JMJD1C: variants seen among roughly 807,000 people sequenced by gnomAD.
JMJD1C encodes jumonji domain containing 1C.
A neutral mutation model predicts 245.3 loss-of-function variants in JMJD1C; 31 were observed. The ratio of observed to expected loss-of-function variants is 0.13; its 90% CI spans 0.09 to 0.17. JMJD1C has a LOEUF of 0.17. Ranked by LOEUF, JMJD1C falls within the 10% of genes least tolerant of loss-of-function variation. The pLI, the probability that JMJD1C is intolerant of heterozygous loss-of-function variation, is 1.00. For missense variants in JMJD1C, 2,691 were observed against 3,000.2 expected (o/e 0.90, Z 2.41); for synonymous variants, 1,057 against 1,017.4 (o/e 1.04, Z -0.74).
chr10:63,422,949 T>C (rs538227767), intron 1 of JMJD1C, among the ~76,000 whole-genome samples: 218 of 149,810 alleles, frequency 1.5e-3, no homozygotes, highest in African/African-American at 5.2e-3. Flanking sequence ...TCGCCACTGT[T>C]ACCAAAACTT....
intron 2 of JMJD1C, among the ~76,000 whole-genome samples, chr10:63,302,717 T>C (rs906530348): frequency 2.6e-5 from 4 of 152,210 alleles, no homozygotes; most frequent in Non-Finnish European, 5.9e-5. Flanking sequence ...CAGACAGTAA[T>C]TAGTGAAAGC....
At chr10:63,453,451 G>A (rs1282975320) in intron 1 of JMJD1C, among the ~76,000 whole-genome samples, 1 of 152,028 alleles carries the variant, frequency 6.6e-6, no homozygotes, top group East Asian at 1.9e-4. Context: ...TGCGGTACAA[G>A]AAACAGAAAG....
At chr10:63,248,968 G>A (rs911170376) in intron 3 of JMJD1C, among the ~76,000 whole-genome samples, 21 of 152,156 alleles carry the variant, frequency 1.4e-4, no homozygotes, top group Non-Finnish European at 2.4e-4. Flanking sequence ...TGAAATAAGC[G>A]AAGGACAGGA....
intron 1 of JMJD1C, among the ~76,000 whole-genome samples, chr10:63,460,586 G>A (rs981618107): frequency 2.0e-5 from 3 of 152,114 alleles, no homozygotes; most frequent in Non-Finnish European, 2.9e-5. Context: ...AGTAACTTAT[G>A]ACATTCCTTT....
chr10:63,406,639 T>G (rs887295631), intron 1 of JMJD1C, among the ~76,000 whole-genome samples: 1 of 152,058 alleles, frequency 6.6e-6, no homozygotes, highest in African/African-American at 2.4e-5. Context: ...GATTTTTTTT[T>G]AAGCAAAATA....
At chr10:63,337,004 C>T (rs1564803241) in intron 2 of JMJD1C, among the ~76,000 whole-genome samples, 1 of 152,006 alleles carries the variant, frequency 6.6e-6, no homozygotes, top group South Asian at 2.1e-4. Flanking sequence ...CCACAATCAG[C>T]TAATTTTTGT....
At chr10:63,459,369 T>C (rs1952631168) in intron 1 of JMJD1C, among the ~76,000 whole-genome samples, 1 of 152,224 alleles carries the variant, frequency 6.6e-6, no homozygotes, top group Admixed American at 6.5e-5. Flanking sequence ...CTAGGGTTTA[T>C]GATATATGTG....
intron 2 of JMJD1C, among the ~76,000 whole-genome samples, chr10:63,290,555 T>C (rs1858539139): frequency 6.6e-6 from 1 of 152,080 alleles, no homozygotes; most frequent in Admixed American, 6.6e-5. Context: ...AGCAAGACTC[T>C]GTCTCAAAAA....
chr10:63,213,331 C>G (rs1212750185), intron 8 of JMJD1C, 142 bp downstream of exon 8: 2 of 531,588 alleles, frequency 3.8e-6, no homozygotes, highest in Non-Finnish European at 6.6e-6. Context: ...CTTGAGGTTA[C>G]TAAGTGTATG....
intron 2 of JMJD1C, among the ~76,000 whole-genome samples, chr10:63,321,917 A>G (rs1940920103): frequency 6.6e-6 from 1 of 152,162 alleles, no homozygotes; most frequent in South Asian, 2.1e-4. Flanking sequence ...AACCTAGGGG[A>G]TTTCTCACCA....
intron 2 of JMJD1C, among the ~76,000 whole-genome samples, chr10:63,287,294 G>C (rs546369045): frequency 2.0e-5 from 3 of 152,384 alleles, no homozygotes; most frequent in African/African-American, 7.2e-5. Context: ...GTGATGCAAA[G>C]ATGAAGCTAA....
chr10:63,441,603 C>T (rs1951391799), intron 1 of JMJD1C, among the ~76,000 whole-genome samples: 1 of 152,126 alleles, frequency 6.6e-6, no homozygotes. Context: ...ATTTTGAGTT[C>T]CTCAACTTTA....
At chr10:63,497,752 C>T (rs1954407963) in intron 1 of JMJD1C, among the ~76,000 whole-genome samples, 1 of 152,128 alleles carries the variant, frequency 6.6e-6, no homozygotes, top group African/African-American at 2.4e-5. Context: ...TAAAGTTGTT[C>T]AAGCTTTCTT....
intron 2 of JMJD1C, among the ~76,000 whole-genome samples, chr10:63,304,407 A>AT (rs571957273): frequency 1.1e-3 from 159 of 143,468 alleles, no homozygotes; most frequent in Non-Finnish European, 2.2e-3. Context: ...ACAGCCAGGA[A>AT]TTTAAAAAAA....
At chr10:63,350,616 C>CT (rs71025164) in intron 2 of JMJD1C, among the ~76,000 whole-genome samples, 80 of 119,376 alleles carry the variant, frequency 6.7e-4, no homozygotes, top group South Asian at 1.3e-3. Context: ...GCAGAACCAA[C>CT]TTTTTTTTTT....
chr10:63,496,874 C>T (rs1954381357), intron 1 of JMJD1C, among the ~76,000 whole-genome samples: 1 of 152,156 alleles, frequency 6.6e-6, no homozygotes, highest in Admixed American at 6.5e-5. Context: ...AGTTCTGTTG[C>T]TTTTTCCTTT....
At chr10:63,317,920 C>G (rs1940302115) in intron 2 of JMJD1C, among the ~76,000 whole-genome samples, 1 of 152,166 alleles carries the variant, frequency 6.6e-6, no homozygotes, top group Admixed American at 6.5e-5. Context: ...TCACGGCTCA[C>G]TGCCACTCCA....
intron 2 of JMJD1C, among the ~76,000 whole-genome samples, chr10:63,304,791 T>C (rs763306339): frequency 6.6e-6 from 1 of 152,152 alleles, no homozygotes; most frequent in African/African-American, 2.4e-5. Flanking sequence ...TAAATGTATA[T>C]GTATGTGTGT....
intron 24 of JMJD1C, among the ~76,000 whole-genome samples, chr10:63,171,877 G>C (rs955689195): frequency 1.3e-5 from 2 of 152,180 alleles, no homozygotes; most frequent in Non-Finnish European, 2.9e-5. Flanking sequence ...ACCTAAACAG[G>C]TTGTAAGTAA....
Sources: gnomAD v4.1 joint callset for allele counts (sites outside exome capture counted in the v4.1 genomes callset) on GRCh38, gnomAD v4.1.1 for gene constraint, MANE v1.5 for transcripts, NCBI Gene and HGNC (gene_info 2026-07-23, HGNC 2026-07-21) for gene names.